ADGRV1: variants seen among roughly 807,000 people sequenced by gnomAD.
ADGRV1 encodes adhesion G protein-coupled receptor V1.
Under a neutral mutation model 596.2 loss-of-function variants are expected in ADGRV1, and 359 were observed. The observed-to-expected ratio is 0.60, with a 90% CI of 0.55 to 0.66. The LOEUF (loss-of-function observed/expected upper bound fraction) is 0.66. Among genes scored for constraint, ADGRV1 ranks in the 30% least tolerant of loss-of-function variants. The pLI is 0.00. For synonymous variants in ADGRV1, 2,681 were observed against 2,679.2 expected (o/e 1.00, Z -0.02); for missense variants, 7,274 against 7,575.6 (o/e 0.96, Z 1.48).
chr5:90,794,620 G>T (rs2438361), intron 70 of ADGRV1, among the ~76,000 whole-genome samples: 3 of 151,984 alleles, frequency 2.0e-5, no homozygotes, highest in South Asian at 2.1e-4. Context: ...TGTGCACAGG[G>T]TGTTAAGGTA....
At chr5:90,937,521 G>A (rs1180880325) in intron 83 of ADGRV1, among the ~76,000 whole-genome samples, 1 of 144,946 alleles carries the variant, frequency 6.9e-6, no homozygotes, top group Non-Finnish European at 1.5e-5. Context: ...GCAGTGGCGT[G>A]ATCGCGGCTC....
Position 90,628,561 on chromosome 5 carries a change from G to A in ADGRV1, c.1239-1G>A, listed in dbSNP as rs373015808. ...TATGTATTTCTTTTAAAACATTTAAGATATGAAGAAATCACAGTGGTTAGA... is the reference window on the plus strand; with the variant it reads ...TATGTATTTCTTTTAAAACATTTAAAATATGAAGAAATCACAGTGGTTAGA... On this transcript the variant is annotated splice_acceptor_variant, in intron 7 of 89. Transcript: ENST00000405460. LOFTEE classifies it high-confidence loss of function. The A allele has an allele frequency of 1.2e-6, 2 of 1,611,888 alleles. No homozygotes were observed. The highest frequency in any genetic ancestry group is 2.2e-5 in the East Asian group (1 of 44,874).
At chr5:90,591,651 G>A (rs1040922083) in intron 1 of ADGRV1, among the ~76,000 whole-genome samples, 1 of 152,236 alleles carries the variant, frequency 6.6e-6, no homozygotes, top group Non-Finnish European at 1.5e-5. Context: ...GATTGAAAAA[G>A]TCAACTAATC....
intron 6 of ADGRV1, chr5:90,626,265 T>A (rs1043975740): frequency 6.6e-6 from 1 of 151,926 alleles, no homozygotes; most frequent in Non-Finnish European, 1.5e-5. Context: ...TGAAAAAAAA[T>A]GAAATATTTG....
intron 83 of ADGRV1, among the ~76,000 whole-genome samples, chr5:90,904,665 T>C (rs1335409529): frequency 6.6e-6 from 1 of 152,042 alleles, no homozygotes; most frequent in African/African-American, 2.4e-5. Context: ...AGATGGGCAA[T>C]TTTCTTCCAT....
At chr5:90,817,124 T>A (rs1762976989) in intron 75 of ADGRV1, among the ~76,000 whole-genome samples, 1 of 152,202 alleles carries the variant, frequency 6.6e-6, no homozygotes, top group South Asian at 2.1e-4. Flanking sequence ...TGAGATGGTA[T>A]CTCATTGTGG....
intron 84 of ADGRV1, among the ~76,000 whole-genome samples, chr5:90,975,033 G>C (rs1251363791): frequency 2.0e-5 from 3 of 152,074 alleles, no homozygotes; most frequent in Non-Finnish European, 4.4e-5. Context: ...ATCACAAAGT[G>C]GGCGAAGGAT....
intron 83 of ADGRV1, among the ~76,000 whole-genome samples, chr5:90,866,275 A>T (rs1446993406): frequency 6.6e-6 from 1 of 151,106 alleles, no homozygotes; most frequent in Non-Finnish European, 1.5e-5. Flanking sequence ...TTCTAGAAAT[A>T]TGTAGACTAT....
At chr5:90,850,981 C>T (rs1281827997) in intron 79 of ADGRV1, 1 of 152,066 alleles carries the variant, frequency 6.6e-6, no homozygotes, top group African/African-American at 2.4e-5. Flanking sequence ...ACTTACCTTT[C>T]CTTTTGAGTT....
intron 85 of ADGRV1, chr5:91,031,359 G>T: frequency 1.7e-6 from 2 of 1,210,904 alleles, no homozygotes; most frequent in Non-Finnish European, 2.4e-6. Context: ...TATCTCATCC[G>T]CTGACGGAAG....
At chr5:90,743,893 A>G (rs1754294711) in intron 50 of ADGRV1, among the ~76,000 whole-genome samples, 2 of 152,132 alleles carry the variant, frequency 1.3e-5, no homozygotes, top group Non-Finnish European at 2.9e-5. Context: ...AGTATTGTAT[A>G]TAATATAGTA....
chr5:90,574,384 A>G (rs1432722749), intron 1 of ADGRV1, among the ~76,000 whole-genome samples: 1 of 151,970 alleles, frequency 6.6e-6, no homozygotes, highest in Non-Finnish European at 1.5e-5. Context: ...GGTTAGCTGT[A>G]TTCTTAGGTA....
At chr5:90,935,210 T>A (rs1775573601) in intron 83 of ADGRV1, among the ~76,000 whole-genome samples, 1 of 152,220 alleles carries the variant, frequency 6.6e-6, no homozygotes, top group African/African-American at 2.4e-5. Flanking sequence ...CCTATTCCTG[T>A]CAATAAGGTT....
intron 85 of ADGRV1, among the ~76,000 whole-genome samples, chr5:91,035,785 A>G (rs377430883): frequency 1.4e-5 from 2 of 145,770 alleles, no homozygotes; most frequent in East Asian, 2.0e-4. Context: ...ACATCGAATA[A>G]TAATAATAAC....
In ADGRV1 at chr5:90,617,854, T is replaced by G; in HGVS notation, c.258T>G (p.Phe86Leu). 6.2e-7 allele frequency: 1 copy of G among 1,600,884 alleles called. No homozygotes were observed. Among genetic ancestry groups the G allele is most frequent in the East Asian group, 2.2e-5 (1 of 44,678 alleles). The change falls in exon 3 of 90, where the codon TTT (phenylalanine) becomes TTG (leucine). Residue 86 changes from phenylalanine to leucine, a missense_variant. Transcript: ENST00000405460. ...TTTTTGACACATATGCTGCAGCTTT[T>G]ATACCTGCCGGAGAAACAAACAGAA... ...GDFFDTYAAAFIPAGETNRTV... is the reference protein window; with the variant it reads ...GDFFDTYAAALIPAGETNRTV...
At chr5:90,649,417 A>G (rs1768275133) in intron 17 of ADGRV1, among the ~76,000 whole-genome samples, 3 of 152,220 alleles carry the variant, frequency 2.0e-5, no homozygotes, top group Non-Finnish European at 4.4e-5. Context: ...CATTAGGAAA[A>G]AAACGCCAAT....
intron 83 of ADGRV1, among the ~76,000 whole-genome samples, chr5:90,891,745 TA>T (rs937337832): frequency 6.6e-6 from 1 of 151,958 alleles, no homozygotes; most frequent in Non-Finnish European, 1.5e-5. Context: ...ATAATATCAT[TA>T]AAATAGGTGA....
chr5:90,708,927 T>G lies in ADGRV1; in HGVS notation c.8824+18T>G. On this transcript the variant is annotated intron_variant, in intron 39 of 89. Coordinates refer to ENST00000405460, the MANE Select transcript of ADGRV1 (RefSeq NM_032119.4). Reference sequence around the variant, plus strand: ...CAGACTAGGTATGAGGGGTTTCTTGTTTGTTTCTTTTTGCTCACTTCAAAT... The same window carrying G: ...CAGACTAGGTATGAGGGGTTTCTTGGTTGTTTCTTTTTGCTCACTTCAAAT... 1 of 1,494,624 alleles carries G rather than the reference T, an allele frequency of 6.7e-7. No homozygotes were observed. The highest frequency in any genetic ancestry group is 1.4e-5 in the African/African-American group (1 of 72,704). 92.6% of individuals were successfully genotyped at this position (1,494,624 alleles called of 1,614,324 possible).
intron 43 of ADGRV1, among the ~76,000 whole-genome samples, chr5:90,719,320 CATAAATAA>C (rs3045849): frequency 3.9e-4 from 58 of 149,470 alleles, no homozygotes; most frequent in Non-Finnish European, 6.5e-4. Context: ...GACTCTGTCT[CATAAATAA>C]ATAAATAAAT....
Sources: gnomAD v4.1 joint callset for allele counts (sites outside exome capture counted in the v4.1 genomes callset) on GRCh38, gnomAD v4.1.1 for gene constraint, MANE v1.5 for transcripts, NCBI Gene and HGNC (gene_info 2026-07-23, HGNC 2026-07-21) for gene names.